The following USP24 variants were observed in gnomAD, a reference collection of about 807,000 sequenced individuals.
USP24 encodes the protein ubiquitin carboxyl-terminal hydrolase 24.
In USP24, 97 loss-of-function variants were observed where a neutral mutation model predicts 361.6. That is an observed-to-expected ratio of 0.27 (90% CI 0.23 to 0.32). The LOEUF is 0.32. Ranked by LOEUF, USP24 falls within the 10% of genes least tolerant of loss-of-function variation. USP24 has a pLI of 1.00. For synonymous variants in USP24, 1,098 were observed against 1,124.6 expected, an observed-to-expected ratio of 0.98 and a Z score of 0.47; for missense variants, 2,353 against 3,165.6, an observed-to-expected ratio of 0.74 and a Z score of 6.16.
At chr1:55,098,357 A>C in intron 46 of USP24, 119 bp downstream of exon 46, 3 of 955,106 alleles carry the variant, frequency 3.1e-6, no homozygotes, top group Non-Finnish European at 4.6e-6. Flanking sequence ...AAATACTTAT[A>C]GATCTGTTGA....
intron 1 of USP24, among the ~76,000 whole-genome samples, chr1:55,183,779 G>C (rs1011959339): frequency 2.0e-5 from 3 of 152,202 alleles, no homozygotes; most frequent in African/African-American, 7.2e-5. Context: ...TTTAGACAAA[G>C]ATACAGAGAC....
At chr1:55,133,244 A>G (rs2100651940) in intron 30 of USP24, among the ~76,000 whole-genome samples, 1 of 152,374 alleles carries the variant, frequency 6.6e-6, no homozygotes, top group Non-Finnish European at 1.5e-5. Flanking sequence ...AATATTATAG[A>G]TACGACACAA....
intron 1 of USP24, among the ~76,000 whole-genome samples, chr1:55,211,177 A>G (rs1249687586): frequency 1.3e-5 from 2 of 152,238 alleles, no homozygotes; most frequent in African/African-American, 4.8e-5. Flanking sequence ...TTAGCCATGC[A>G]GTAAAGAGTG....
At chr1:55,121,599 T>C (rs904649386) in intron 36 of USP24, 93 bp from the exon 37 acceptor site, 16 of 994,132 alleles carry the variant, frequency 1.6e-5, no homozygotes, top group Middle Eastern at 2.1e-4. Context: ...AACTTAAGCA[T>C]AAGCTCTTCT....
At chr1:55,093,644 T>C in intron 52 of USP24, 1 of 266,994 alleles carries the variant, frequency 3.7e-6, no homozygotes, top group African/African-American at 2.2e-5. Context: ...ACGATTTCTT[T>C]ACTGCCCACT....
chr1:55,212,087 C>G (rs1310228052), intron 1 of USP24, among the ~76,000 whole-genome samples: 1 of 152,170 alleles, frequency 6.6e-6, no homozygotes, highest in Non-Finnish European at 1.5e-5. Context: ...CCCACCTCTT[C>G]TATTAACTGA....
In USP24 at chr1:55,123,475, C is replaced by T. The variant is rs766386767; in HGVS notation, c.4248G>A (p.Thr1416=). ...GTTGCTGGCTCCGAAGCTGTAGGCA[C>T]GTAACAAGAAGAGACAAAGCCTCTC... ...IAGEALSLLV[T]CLQLRSQQLA... is the part of the protein sequence containing the mutation. Residue 1416 remains threonine, a synonymous_variant, in exon 36 of 68, where the codon ACG becomes ACA. Coordinates refer to ENST00000294383, the MANE Select transcript of USP24 (RefSeq NM_015306.3). 16 of 1,597,198 alleles carry T rather than the reference C, an allele frequency of 1.0e-5. No homozygotes were observed. Among genetic ancestry groups the T allele is most frequent in the Non-Finnish European group, 1.3e-5 (15 of 1,171,958 alleles).
chr1:55,141,505 T>G, intron 24 of USP24, 111 bp downstream of exon 24: 2 of 989,298 alleles, frequency 2.0e-6, no homozygotes, highest in East Asian at 5.3e-5. Context: ...CTTGCAAAAA[T>G]TATGATATAA....
At chr1:55,088,592 G>C (rs1028448682) in intron 55 of USP24, among the ~76,000 whole-genome samples, 8 of 152,210 alleles carry the variant, frequency 5.3e-5, no homozygotes, top group Middle Eastern at 3.4e-3. Context: ...CTGTGGTTGG[G>C]GTAGGAAATG....
At chr1:55,096,433 A>C (rs1645497759) in intron 50 of USP24, 65 bp downstream of exon 50, 6 of 1,284,076 alleles carry the variant, frequency 4.7e-6, no homozygotes, top group Non-Finnish European at 6.2e-6. Context: ...AAAGAATACT[A>C]TTAATTTTTA....
At chr1:55,170,730 C>G (rs1023863042) in intron 5 of USP24, among the ~76,000 whole-genome samples, 6 of 152,200 alleles carry the variant, frequency 3.9e-5, no homozygotes, top group African/African-American at 1.2e-4. Flanking sequence ...ATAACTACCC[C>G]TTCCCCTGGA....
intron 36 of USP24, among the ~76,000 whole-genome samples, chr1:55,122,959 C>T (rs1182103649): frequency 2.0e-5 from 3 of 151,964 alleles, no homozygotes; most frequent in African/African-American, 7.3e-5. Flanking sequence ...CACGAGATCA[C>T]CAAGGGAATG....
At chr1:55,133,418 G>A (rs139770206) in intron 30 of USP24, among the ~76,000 whole-genome samples, 6 of 152,196 alleles carry the variant, frequency 3.9e-5, no homozygotes, top group Non-Finnish European at 8.8e-5. Flanking sequence ...AATGAAAAAC[G>A]TCTCAACTGA....
chr1:55,202,386 G>A (rs1343119662), intron 1 of USP24, among the ~76,000 whole-genome samples: 2 of 151,648 alleles, frequency 1.3e-5, no homozygotes, highest in Non-Finnish European at 2.9e-5. Flanking sequence ...TGTTTCAAGC[G>A]ATTTGTATAC....
At chr1:55,101,020 C>T (rs1645620700) in intron 43 of USP24, 56 bp from the exon 44 acceptor site, 2 of 1,580,854 alleles carry the variant, frequency 1.3e-6, no homozygotes, top group East Asian at 2.3e-5. Context: ...TCACAGGAAA[C>T]TCTGACATAT....
At chr1:55,135,126 T>G (rs1264413010) in intron 28 of USP24, among the ~76,000 whole-genome samples, 2 of 152,192 alleles carry the variant, frequency 1.3e-5, no homozygotes, top group Non-Finnish European at 2.9e-5. Context: ...GGTTTCTTTT[T>G]AAAATTCTTG....
intron 38 of USP24, among the ~76,000 whole-genome samples, chr1:55,116,530 C>T (rs902128328): frequency 5.3e-5 from 8 of 151,760 alleles, no homozygotes; most frequent in East Asian, 1.9e-4. Context: ...AAGAGAGTAC[C>T]GTAAGCAACT....
rs149841655 is a variant in USP24 at position 55,137,873 on chromosome 1, C to T, written c.2960G>A (p.Arg987Gln). ...GCACAACTGCTTGGCTATTTTCCACCGGACACTCCCTATGGTTTCATTACT... is the reference window on the plus strand; with the variant it reads ...GCACAACTGCTTGGCTATTTTCCACTGGACACTCCCTATGGTTTCATTACT... ...AHSNETIGSV[R>Q]WKIAKQLCSP... The change falls in exon 27 of 68, where the codon CGG becomes CAG. Residue 987 changes from arginine to glutamine, a missense_variant. Arg to Gln is a conservative substitution (Grantham distance 43, BLOSUM62 1). Around this residue, in one of 8 missense-constraint regions of USP24, gnomAD observed 949 missense variants for 1,280.5 expected, o/e 0.74. Transcript: ENST00000294383. 16 of 1,594,484 alleles carry T rather than the reference C, an allele frequency of 1.0e-5. No homozygotes were observed. Among genetic ancestry groups the T allele is most frequent in the Admixed American group, 6.9e-5 (4 of 58,064 alleles).
At chr1:55,118,353 G>C (rs1439804583) in intron 38 of USP24, among the ~76,000 whole-genome samples, 3 of 152,188 alleles carry the variant, frequency 2.0e-5, no homozygotes, top group Non-Finnish European at 4.4e-5. Context: ...ATTCAATGGG[G>C]AAAGGATAGT....
Sources: allele counts gnomAD v4.1 joint callset (sites outside exome capture counted in the v4.1 genomes callset), GRCh38; gene constraint gnomAD v4.1.1; regional missense constraint gnomAD v4.1.1; transcripts MANE v1.5; gene names NCBI Gene and HGNC (gene_info 2026-07-23, HGNC 2026-07-21).